The following AGAP1 variants were observed in gnomAD, a reference collection of about 807,000 sequenced individuals.
AGAP1 encodes ArfGAP with GTPase domain, ankyrin repeat and PH domain 1.
A neutral mutation model predicts 105.3 loss-of-function variants in AGAP1; 29 were observed. The ratio of observed to expected loss-of-function variants is 0.28; its 90% confidence interval spans 0.21 to 0.38. The LOEUF (loss-of-function observed/expected upper bound fraction) is 0.38. Ranked by LOEUF, AGAP1 falls within the 10% of genes least tolerant of loss-of-function variation. The pLI is 1.00. For synonymous variants in AGAP1, 509 were observed against 485.9 expected (o/e 1.05, Z -0.63); for missense variants, 998 against 1,165.1 (o/e 0.86, Z 2.09).
At chr2:235,540,331 T>C (rs547473754) in intron 1 of AGAP1, among the ~76,000 whole-genome samples, 73 of 152,194 alleles carry the variant, frequency 4.8e-4, no homozygotes, top group Non-Finnish European at 7.2e-4. Context: ...TTTGTATTTT[T>C]AGTCAAGACG....
chr2:235,674,046 A>G (rs753321499), intron 1 of AGAP1, among the ~76,000 whole-genome samples: 19 of 152,236 alleles, frequency 1.2e-4, no homozygotes, highest in Non-Finnish European at 2.6e-4. Context: ...TGTATTCTGA[A>G]CTGAAGGCAT....
At chr2:235,790,026 T>G (rs973490905) in intron 6 of AGAP1, among the ~76,000 whole-genome samples, 24 of 152,192 alleles carry the variant, frequency 1.6e-4, no homozygotes, top group Admixed American at 9.8e-4. Context: ...GACTTGTTCA[T>G]AAATGCAGCA....
Position 235,704,962 on chromosome 2 carries a change from C to CTTTTTTTTT in AGAP1, c.164-4211_164-4210insTTTTTTTTT, listed in dbSNP as rs796721149. Among the ~76,000 whole-genome samples the CTTTTTTTTT allele has an allele frequency of 2.3e-5, 2 of 86,010 alleles. 1 individual carries two copies. The highest frequency in any genetic ancestry group is 4.6e-5 in the Non-Finnish European group (2 of 43,478). The allele number at this position is 86,010 out of a possible 152,430, so 56.4% of individuals were successfully genotyped here. A position where few individuals can be genotyped will look rare whatever the true frequency, so the allele number is the denominator to read the frequency against. ...AACGTCGATTGTAAAATACAAGATG[C>CTTTTTTTTT]TTTTTTCTTTTTTTTTTTTTTTTTT... On this transcript the variant is annotated intron_variant, in intron 1 of 17. Coordinates refer to ENST00000304032, the MANE Select transcript of AGAP1 (RefSeq NM_001037131.3).
intron 1 of AGAP1, among the ~76,000 whole-genome samples, chr2:235,703,310 C>G (rs11897045): frequency 0.076 from 11,632 of 152,178 alleles, 1,460 homozygotes; most frequent in African/African-American, 0.26. Flanking sequence ...ACTTGTGCCT[C>G]CAGCGCAGCA....
rs575444897 is a variant in AGAP1, at chr2:236,127,557, G to A, written c.*3435G>A. On this transcript the variant is annotated 3_prime_UTR_variant, in exon 18 of 18. Transcript: ENST00000304032. This position sits in a 1 kb window ranked among gnomAD's most constrained non-coding sequence, Gnocchi z 6.6. The stretch of plus-strand genomic sequence containing the variant: ...CTAGTGCACAGGCCAGTTCTCGGCA[G>A]TGGCTTTTCAGCACAAGGGCCTTGC... The A allele has an allele frequency of 1.3e-5, 2 of 152,374 alleles. No homozygotes were observed. The highest frequency in any genetic ancestry group is 3.9e-4 in the East Asian group (2 of 5,182). 9.4% of individuals were successfully genotyped at this position (152,374 alleles called of 1,614,324 possible).
At chr2:235,694,959 G>A (rs1050198636) in intron 1 of AGAP1, among the ~76,000 whole-genome samples, 1 of 152,222 alleles carries the variant, frequency 6.6e-6, no homozygotes, top group Admixed American at 6.5e-5. Flanking sequence ...TGCCCAGGGC[G>A]GGTGAGAGGT....
chr2:235,929,610 C>T (rs182082109), intron 11 of AGAP1, among the ~76,000 whole-genome samples: 80 of 152,200 alleles, frequency 5.3e-4, no homozygotes, highest in African/African-American at 1.8e-3. Context: ...CTCGTGGTTC[C>T]GTGGCTTCCC....
chr2:235,636,193 G>A (rs938360875), intron 1 of AGAP1, among the ~76,000 whole-genome samples: 8 of 152,126 alleles, frequency 5.3e-5, no homozygotes, highest in Non-Finnish European at 1.2e-4. Context: ...AAAGAGAAAG[G>A]CTGGTCCTGA....
In AGAP1 at chr2:235,843,214, CCTT is replaced by C. The variant is rs1029750001; in HGVS notation, c.1050+35887_1050+35889del. On this transcript the variant is annotated intron_variant, in intron 9 of 17. Coordinates refer to ENST00000304032, the MANE Select transcript of AGAP1 (RefSeq NM_001037131.3). The surrounding 1 kb of genome is among the most constrained non-coding windows in gnomAD (Gnocchi z 5.9). ...GCTCCCAGAACCCATCACCAGCCCT[CCTT>C]CTTAGAGAGTGGTCTTCGGGAGGAC... 3.6e-5 allele frequency among the ~76,000 whole-genome samples: 4 copies of C among 112,070 alleles called. No homozygotes were observed. The highest frequency in any genetic ancestry group is 6.4e-5 in the Non-Finnish European group (3 of 46,878). 73.5% of individuals were successfully genotyped at this position (112,070 alleles called of 152,430 possible).
Position 236,089,442 on chromosome 2 carries a change from T to C in AGAP1, c.2115-30750T>C, listed in dbSNP as rs2059006371. On this transcript the variant is annotated intron_variant, in intron 16 of 17. Coordinates refer to ENST00000304032, the MANE Select transcript of AGAP1 (RefSeq NM_001037131.3). The surrounding 1 kb of genome is among the most constrained non-coding windows in gnomAD (Gnocchi z 5.6). The stretch of plus-strand genomic sequence containing the variant: ...AACTGCATGCTGGAGATAAAGCGCC[T>C]ACTAGGCTGCCGGGTACTGGCAGAA... Among the ~76,000 whole-genome samples the C allele has an allele frequency of 6.6e-6, 1 of 152,206 alleles. No homozygotes were observed. The highest frequency in any genetic ancestry group is 2.1e-4 in the South Asian group (1 of 4,832).
chr2:235,542,243 C>T (rs977367526), intron 1 of AGAP1, among the ~76,000 whole-genome samples: 7 of 152,130 alleles, frequency 4.6e-5, no homozygotes, highest in Non-Finnish European at 1.0e-4. Flanking sequence ...GTCAGAGAGC[C>T]CGGAGTTAGG....
At chr2:236,064,629 T>C (rs1361008328) in intron 16 of AGAP1, among the ~76,000 whole-genome samples, 1 of 152,004 alleles carries the variant, frequency 6.6e-6, no homozygotes, top group African/African-American at 2.4e-5. Flanking sequence ...CCAGTAGCAC[T>C]CCTGCTGAGG....
chr2:235,498,303 T>A (rs1941409588), intron 1 of AGAP1, among the ~76,000 whole-genome samples: 1 of 152,148 alleles, frequency 6.6e-6, no homozygotes, highest in Non-Finnish European at 1.5e-5. Context: ...GAGAGGTTTA[T>A]TCCCCCCTCC....
chr2:235,824,753 C>CT lies in AGAP1; in HGVS notation c.1050+17425dup. 6.6e-6 allele frequency among the ~76,000 whole-genome samples: 1 copy of CT among 152,146 alleles called. No individual in the cohort carries two copies. Among genetic ancestry groups the CT allele is most frequent in the Non-Finnish European group, 1.5e-5 (1 of 68,034 alleles). On this transcript the variant is annotated intron_variant, in intron 9 of 17. Coordinates refer to ENST00000304032, the MANE Select transcript of AGAP1 (RefSeq NM_001037131.3). This position sits in a 1 kb window ranked among gnomAD's most constrained non-coding sequence, Gnocchi z 5.2. ...GCCCTTATATGAGACGGCCTGCATT[C>CT]TTTCGCGGTACCAAGAAATGCTCAA...
At chr2:235,937,648 G>A (rs2053056186) in intron 12 of AGAP1, among the ~76,000 whole-genome samples, 2 of 152,360 alleles carry the variant, frequency 1.3e-5, no homozygotes, top group Middle Eastern at 6.8e-3. Flanking sequence ...AGACCTCTTG[G>A]CCCTCTGGCC....
At position 235,551,773 on chromosome 2, in the gene AGAP1, C is replaced by T. The variant is rs1943817705; in HGVS notation, c.163+56924C>T. Among the ~76,000 whole-genome samples the T allele has an allele frequency of 6.6e-6, 1 of 152,154 alleles. No homozygotes were observed. Among genetic ancestry groups the T allele is most frequent in the African/African-American group, 2.4e-5 (1 of 41,446 alleles). On this transcript the variant is annotated intron_variant, in intron 1 of 17. Coordinates refer to ENST00000304032, the MANE Select transcript of AGAP1 (RefSeq NM_001037131.3). The surrounding 1 kb of genome is among the most constrained non-coding windows in gnomAD (Gnocchi z 4.8). ...CTAAAAGACTTTCTCTGAATGTTACCTTTGCTCTTCACCTTGACTGGTAGA... is the reference window on the plus strand; with the variant it reads ...CTAAAAGACTTTCTCTGAATGTTACTTTTGCTCTTCACCTTGACTGGTAGA...
At position 235,927,640 on chromosome 2, in the gene AGAP1, C is replaced by T. The variant is rs189522519; in HGVS notation, c.1325-3125C>T. Reference sequence around the variant, plus strand: ...GTTGAGATTGACTTGGCTCTCCTTACTGTGTGTTGATACTTACTTCTGGAG... The same window carrying T: ...GTTGAGATTGACTTGGCTCTCCTTATTGTGTGTTGATACTTACTTCTGGAG... On this transcript the variant is annotated intron_variant, in intron 11 of 17. Transcript: ENST00000304032. This position sits in a 1 kb window ranked among gnomAD's most constrained non-coding sequence, Gnocchi z 4.4. Among the ~76,000 whole-genome samples the T allele has an allele frequency of 1.3e-5, 2 of 152,322 alleles. No homozygotes were observed. Among genetic ancestry groups the T allele is most frequent in the Admixed American group, 6.5e-5 (1 of 15,308 alleles).
chr2:235,902,599 G>C (rs1335674593), intron 10 of AGAP1, among the ~76,000 whole-genome samples: 1 of 152,128 alleles, frequency 6.6e-6, no homozygotes, highest in Non-Finnish European at 1.5e-5. Flanking sequence ...CTAAGTCTTT[G>C]GAAGGTGTCA....
intron 10 of AGAP1, among the ~76,000 whole-genome samples, chr2:235,885,451 A>G (rs556126258): frequency 6.6e-6 from 1 of 152,178 alleles, no homozygotes; most frequent in East Asian, 1.9e-4. Flanking sequence ...CCCCTTGTCC[A>G]ATTTGCCTAG....
Sources: allele counts gnomAD v4.1 joint callset (sites outside exome capture counted in the v4.1 genomes callset), GRCh38; gene constraint gnomAD v4.1.1; non-coding constraint Gnocchi (gnomAD v3.1); transcripts MANE v1.5; gene names NCBI Gene and HGNC (gene_info 2026-07-23, HGNC 2026-07-21).